The following SIGLEC7 variants were observed in gnomAD, a reference collection of about 807,000 sequenced individuals.
The protein encoded by SIGLEC7 is sialic acid-binding Ig-like lectin 7.
Under a neutral mutation model 40.8 loss-of-function variants are expected in SIGLEC7, and 33 were observed. That is an observed-to-expected ratio of 0.81 (90% CI 0.61 to 1.08). The LOEUF is 1.08. SIGLEC7 is among the 50% of genes least tolerant of loss of function. The probability of loss-of-function intolerance (pLI) is 0.00; values close to 1 mark genes in which losing one functional copy is unlikely to be tolerated. For missense variants in SIGLEC7, 513 were observed against 576.1 expected (o/e 0.89, Z 1.12); for synonymous variants, 242 against 237.6 (o/e 1.02, Z -0.17).
At chr19:51,150,955 C>T (rs747763658) in intron 6 of SIGLEC7, among the ~76,000 whole-genome samples, 2 of 152,110 alleles carry the variant, frequency 1.3e-5, no homozygotes, top group Non-Finnish European at 1.5e-5. Flanking sequence ...CATGATCAGA[C>T]GAGATTGGGT....
rs1383128182 is a variant in SIGLEC7 at position 51,144,389 on chromosome 19, C to T, written c.434-17C>T. On this transcript the variant is annotated splice_polypyrimidine_tract_variant and intron_variant, in intron 1 of 6. Transcript: ENST00000317643. ...TGGATCCTCTGTCCTGATCCTGAGTCCCCCTCTCTTCACCAGCCTTGACCC... is the reference window on the plus strand; with the variant it reads ...TGGATCCTCTGTCCTGATCCTGAGTTCCCCTCTCTTCACCAGCCTTGACCC... 4.4e-6 allele frequency: 7 copies of T among 1,593,716 alleles called. No individual in the cohort carries two copies. The highest frequency in any genetic ancestry group is 6.0e-6 in the Non-Finnish European group (7 of 1,172,464).
At chr19:51,143,826 C>T (rs984499591) in intron 1 of SIGLEC7, 7 of 388,014 alleles carry the variant, frequency 1.8e-5, no homozygotes, top group African/African-American at 4.3e-5. Context: ...TTCCCCACAG[C>T]GTCCCAGGCC....
rs1415092006 is a variant in SIGLEC7 at position 51,147,339 on chromosome 19, A to C, written c.1221+22A>C. ...TCAGGTGAGTGATATGGGCGTCTCCACACCCAGCATCCAGCTGGGACATCT... is the reference window on the plus strand; with the variant it reads ...TCAGGTGAGTGATATGGGCGTCTCCCCACCCAGCATCCAGCTGGGACATCT... On this transcript the variant is annotated intron_variant, in intron 6 of 6. Transcript: ENST00000317643. 5 of 1,593,202 alleles carry C rather than the reference A, an allele frequency of 3.1e-6. No individual in the cohort carries two copies. The African/African-American group carries it at 6.8e-5, about 22-fold the overall frequency.
rs1358848297 is a variant in SIGLEC7, at chr19:51,153,503, C to T, written c.*258C>T. The T allele has an allele frequency of 1.1e-5, 3 of 274,188 alleles. No individual in the cohort carries two copies. The highest frequency in any genetic ancestry group is 1.4e-4 in the South Asian group (1 of 7,308). The allele number at this position is 274,188 out of a possible 1,614,324, so 17.0% of individuals were successfully genotyped here. A position where few individuals can be genotyped will look rare whatever the true frequency, so the allele number is the denominator to read the frequency against. The stretch of plus-strand genomic sequence containing the variant: ...CTCTAAGGATGACTACTTTAGATTC[C>T]GAATATAGTGAGATTGTAACGTGTT... On this transcript the variant is annotated 3_prime_UTR_variant, in exon 7 of 7. Coordinates refer to ENST00000317643, the MANE Select transcript of SIGLEC7 (RefSeq NM_014385.4).
rs756981533 is a variant in SIGLEC7, at chr19:51,142,672, A to G, written c.303A>G (p.Pro101=). ...ACCGATTCCACCTCCTTGGGGACCC[A>G]CAGACCAAAAATTGCACCCTGAGCA... ...TRDRFHLLGD[P]QTKNCTLSIR... The change falls in exon 1 of 7, where the codon CCA becomes CCG. Residue 101 remains proline, a synonymous_variant. Transcript: ENST00000317643. The surrounding 1 kb of genome is among the most constrained non-coding windows in gnomAD (Gnocchi z 5.0). 11 of 1,614,184 alleles carry G rather than the reference A, an allele frequency of 6.8e-6. No individual in the cohort carries two copies. In the Admixed American group the frequency reaches 1.8e-4, roughly 27 times the overall value.
At chr19:51,147,438 C>A in intron 6 of SIGLEC7, 121 bp downstream of exon 6, 1 of 735,786 alleles carries the variant, frequency 1.4e-6, no homozygotes, top group East Asian at 3.5e-5. Flanking sequence ...CTCCTTCCCA[C>A]CATCCAGCTT....
chr19:51,144,674 C>A lies in SIGLEC7; in HGVS notation c.702C>A (p.Leu234=), dbSNP rs2092094675. ...AGVTTNRTIQ[L]NVSYPPQNLT... is the part of the protein sequence containing the mutation. ...TGACCACGAACAGGACCATCCAACTCAATGTGTCCTGTGAGTGCTGAGCCA... is the reference window on the plus strand; with the variant it reads ...TGACCACGAACAGGACCATCCAACTAAATGTGTCCTGTGAGTGCTGAGCCA... The change falls in exon 2 of 7, where the codon CTC becomes CTA. Residue 234 remains leucine (L), a synonymous_variant. Transcript: ENST00000317643. The A allele has an allele frequency of 2.5e-6, 4 of 1,613,454 alleles. No individual in the cohort carries two copies. The highest frequency in any genetic ancestry group is 3.4e-6 in the Non-Finnish European group (4 of 1,179,910).
Position 51,144,273 on chromosome 19 carries a change from G to A in SIGLEC7, c.434-133G>A. The A allele has an allele frequency of 3.4e-6, 5 of 1,466,424 alleles. No individual in the cohort carries two copies. In the South Asian group the frequency reaches 6.7e-5, roughly 20 times the overall value. The allele number at this position is 1,466,424 out of a possible 1,614,324, so 90.8% of individuals were successfully genotyped here. ...GGTGGCAGCGAAAGCCTGGGATGGG[G>A]CCCCTGCCCTGGGAGAGGGCTGAGG... is the stretch of plus-strand genomic sequence containing the variant. On this transcript the variant is annotated intron_variant, in intron 1 of 6. Transcript: ENST00000317643.
intron 6 of SIGLEC7, among the ~76,000 whole-genome samples, chr19:51,151,375 T>C (rs1033518620): frequency 6.6e-6 from 1 of 152,072 alleles, no homozygotes; most frequent in Non-Finnish European, 1.5e-5. Context: ...ATTGAATAGG[T>C]TGAGTTTTGT....
chr19:51,144,193 G>T, intron 1 of SIGLEC7: 1 of 768,606 alleles, frequency 1.3e-6, no homozygotes. Context: ...AGCTCTCTGT[G>T]AATGTGACAG....
In SIGLEC7 at chr19:51,142,512, TCTC is replaced by T; in HGVS notation, c.146_148del (p.Ser49del). ...ATGTGTGTCCATGTGCGCTGCTCCT[TCTC>T]CTACCCAGTGGACAGCCAGACTGAC... is the stretch of plus-strand genomic sequence containing the variant. On this transcript the variant is annotated inframe_deletion, in exon 1 of 7. Coordinates refer to ENST00000317643, the MANE Select transcript of SIGLEC7 (RefSeq NM_014385.4). This position sits in a 1 kb window ranked among gnomAD's most constrained non-coding sequence, Gnocchi z 5.0. The T allele has an allele frequency of 6.2e-7, 1 of 1,614,072 alleles. No individual in the cohort carries two copies. The highest frequency in any genetic ancestry group is 8.5e-7 in the Non-Finnish European group (1 of 1,180,014).
At chr19:51,152,975 C>A in intron 6 of SIGLEC7, 88 bp from the exon 7 acceptor site, 1 of 1,183,392 alleles carries the variant, frequency 8.5e-7, no homozygotes, top group Non-Finnish European at 1.1e-6. Context: ...ATATCCGAAC[C>A]AACCAACCGA....
Position 51,144,593 on chromosome 19 carries a change from GC to G in SIGLEC7, c.625del (p.Gln209SerfsTer11). On this transcript the variant is annotated frameshift_variant, in exon 2 of 7. Coordinates refer to ENST00000317643, the MANE Select transcript of SIGLEC7 (RefSeq NM_014385.4). LOFTEE classifies it high-confidence loss of function. ...CCTCAGTGCTCACCCTCATCCCACA[GC>G]CCCAGCACCACGGCACCAGCCTCAC... ...RSSVLTLIPQ[P>X]QHHGTSLTCQ... The G allele has an allele frequency of 6.2e-7, 1 of 1,613,826 alleles. No individual in the cohort carries two copies.
chr19:51,142,473 C>T lies in SIGLEC7; in HGVS notation c.104C>T (p.Thr35Ile). Reference sequence around the variant, plus strand: ...TCGCTGACGATGCAGAGTTCCGTGACCGTGCAAGAGGGCATGTGTGTCCAT... The same window carrying T: ...TCGCTGACGATGCAGAGTTCCGTGATCGTGCAAGAGGGCATGTGTGTCCAT... ...DYSLTMQSSV[T>I]VQEGMCVHVR... The change falls in exon 1 of 7, where the codon ACC becomes ATC. Residue 35 changes from threonine to isoleucine, a missense_variant. Physicochemically the swap from Thr to Ile is moderately conservative, Grantham distance 89. Transcript: ENST00000317643. This position sits in a 1 kb window ranked among gnomAD's most constrained non-coding sequence, Gnocchi z 5.0. The T allele has an allele frequency of 6.2e-7, 1 of 1,614,144 alleles. No homozygotes were observed. Among genetic ancestry groups the T allele is most frequent in the Non-Finnish European group, 8.5e-7 (1 of 1,180,032 alleles).
At chr19:51,147,808 G>T (rs2092119587) in intron 6 of SIGLEC7, among the ~76,000 whole-genome samples, 1 of 152,124 alleles carries the variant, frequency 6.6e-6, no homozygotes, top group Non-Finnish European at 1.5e-5. Flanking sequence ...GCAGAAGCCA[G>T]AAAATACTAT....
Position 51,142,616 on chromosome 19 carries a change from C to G in SIGLEC7, c.247C>G (p.Pro83Ala). ...SWKAPVATNN[P>A]AWAVQEETRD... ...GAAGGCTCCAGTGGCCACAAACAAC[C>G]CAGCTTGGGCAGTGCAGGAGGAAAC... The change falls in exon 1 of 7, where the codon CCA (proline) becomes GCA (alanine). Residue 83 changes from proline (P) to alanine (A), a missense_variant. Transcript: ENST00000317643. The surrounding 1 kb of genome is among the most constrained non-coding windows in gnomAD (Gnocchi z 5.0). 6.2e-7 allele frequency: 1 copy of G among 1,614,176 alleles called. No homozygotes were observed. Among genetic ancestry groups the G allele is most frequent in the Non-Finnish European group, 8.5e-7 (1 of 1,180,032 alleles).
At chr19:51,148,281 C>T (rs1041452390) in intron 6 of SIGLEC7, among the ~76,000 whole-genome samples, 3 of 152,164 alleles carry the variant, frequency 2.0e-5, no homozygotes, top group Non-Finnish European at 4.4e-5. Flanking sequence ...TATTTTGTCA[C>T]CCAGGTCCTA....
chr19:51,152,200 CCT>C (rs2092148363), intron 6 of SIGLEC7, among the ~76,000 whole-genome samples: 1 of 152,142 alleles, frequency 6.6e-6, no homozygotes, highest in Non-Finnish European at 1.5e-5. Flanking sequence ...CAAGTCCCTT[CCT>C]CTGTTTGCAA....
intron 6 of SIGLEC7, among the ~76,000 whole-genome samples, chr19:51,151,050 G>A (rs775201549): frequency 2.6e-5 from 4 of 152,162 alleles, no homozygotes; most frequent in Non-Finnish European, 5.9e-5. Context: ...GTGTGCAGAA[G>A]AGACCGTGTG....
Sources: gnomAD v4.1 joint callset for allele counts (sites outside exome capture counted in the v4.1 genomes callset) on GRCh38, gnomAD v4.1.1 for gene constraint, Gnocchi (gnomAD v3.1) non-coding constraint, MANE v1.5 for transcripts, NCBI Gene and HGNC (gene_info 2026-07-23, HGNC 2026-07-21) for gene names.